NFX1: variants seen among roughly 807,000 people sequenced by gnomAD.
The protein encoded by NFX1 is transcriptional repressor NF-X1.
Under a neutral mutation model 137.2 loss-of-function variants are expected in NFX1, and 69 were observed. That is an observed-to-expected ratio of 0.50 (90% CI 0.41 to 0.61). The LOEUF (loss-of-function observed/expected upper bound fraction) is 0.61. NFX1 is among the 20% of genes least tolerant of loss of function. The probability of loss-of-function intolerance (pLI) is 0.00; values close to 1 mark genes in which losing one functional copy is unlikely to be tolerated. For synonymous variants in NFX1, 495 were observed against 474.1 expected, an observed-to-expected ratio of 1.04 and a Z score of -0.57; for missense variants, 1,167 against 1,391.0, an observed-to-expected ratio of 0.84 and a Z score of 2.56.
intron 10 of NFX1, 34 bp downstream of exon 10, chr9:33,328,712 C>G: frequency 6.6e-7 from 1 of 1,516,220 alleles, no homozygotes; most frequent in Non-Finnish European, 9.1e-7. Flanking sequence ...TTGTTGCCAT[C>G]AATGTTTTCT....
rs573581415 is a variant in NFX1 at position 33,346,004 on chromosome 9, A to G, written c.2345-1034A>G. 2.6e-5 allele frequency among the ~76,000 whole-genome samples: 4 copies of G among 152,362 alleles called. No homozygotes were observed. The East Asian group carries it at 7.7e-4, about 29-fold the overall frequency. On this transcript the variant is annotated intron_variant, in intron 14 of 23. Transcript: ENST00000379540. ...ATTTGATACCCACAGTTAGTCTGGC[A>G]GTATGATTCAGACTTAAAACTAGAA...
At chr9:33,317,222 C>T (rs1298862499) in intron 7 of NFX1, among the ~76,000 whole-genome samples, 1 of 149,730 alleles carries the variant, frequency 6.7e-6, no homozygotes, top group African/African-American at 2.5e-5. Flanking sequence ...AGTTTGAGAC[C>T]AGCTTGGGCA....
chr9:33,324,039 C>A (rs1822486348), intron 9 of NFX1, among the ~76,000 whole-genome samples: 1 of 152,054 alleles, frequency 6.6e-6, no homozygotes, highest in Admixed American at 6.6e-5. Context: ...CCCAGGAGTT[C>A]AAGACCAGCC....
At chr9:33,298,644 C>T (rs570462839) in intron 2 of NFX1, among the ~76,000 whole-genome samples, 4 of 152,244 alleles carry the variant, frequency 2.6e-5, no homozygotes, top group South Asian at 2.1e-4. Flanking sequence ...ATTAGCTGGA[C>T]GTGGTGGCAC....
At position 33,294,721 on chromosome 9, in the gene NFX1, G is replaced by A; in HGVS notation, c.327G>A (p.Leu109=). The A allele has an allele frequency of 6.2e-7, 1 of 1,614,116 alleles. No homozygotes were observed. The stretch of plus-strand genomic sequence containing the variant: ...TTCAGAATCAACCTTGGCAGAAATT[G>A]AGGAATGAGAAGCACCATATCAGAG... ...HGLQNQPWQK[L]RNEKHHIRVK... The change falls in exon 2 of 24, where the codon TTG becomes TTA. Residue 109 remains leucine, a synonymous_variant. Transcript: ENST00000379540.
In NFX1 at chr9:33,351,245, C is replaced by T. The variant is rs375688478; in HGVS notation, c.2425-315C>T. Among the ~76,000 whole-genome samples the T allele has an allele frequency of 1.4e-3, 220 of 152,124 alleles. 1 individual carries two copies. Among genetic ancestry groups the T allele is most frequent in the African/African-American group, 5.1e-3 (213 of 41,498 alleles). ...GGCCTAGGCGGGTGGATCGCTTCCA[C>T]TCAAGAGTTCGAGACCAGCCTGGGC... On this transcript the variant is annotated intron_variant, in intron 15 of 23. Transcript: ENST00000379540.
In NFX1 at chr9:33,306,352, C is replaced by T. The variant is rs115521821; in HGVS notation, c.1271-842C>T. On this transcript the variant is annotated intron_variant, in intron 4 of 23. Coordinates refer to ENST00000379540, the MANE Select transcript of NFX1 (RefSeq NM_002504.6). ...TGTGAACTTTGACTGTGGATAAAGCCAGTTTGAGGTGACTGTGAAACCCCA... is the reference window on the plus strand; with the variant it reads ...TGTGAACTTTGACTGTGGATAAAGCTAGTTTGAGGTGACTGTGAAACCCCA... Among the ~76,000 whole-genome samples, 1,330 of 152,238 alleles carry T rather than the reference C, an allele frequency of 8.7e-3. 18 individuals are homozygous for T. The highest frequency in any genetic ancestry group is 0.031 in the African/African-American group (1,287 of 41,538).
intron 9 of NFX1, among the ~76,000 whole-genome samples, chr9:33,324,156 A>C (rs1003502178): frequency 9.9e-5 from 15 of 152,168 alleles, no homozygotes; most frequent in Non-Finnish European, 1.5e-5. Context: ...AGGCAGGCAG[A>C]TCACTTGGGA....
intron 5 of NFX1, among the ~76,000 whole-genome samples, chr9:33,310,404 T>G (rs1490272926): frequency 6.6e-6 from 1 of 152,228 alleles, no homozygotes; most frequent in African/African-American, 2.4e-5. Flanking sequence ...GTGTCTGCTT[T>G]GAAGAGGGCA....
chr9:33,369,769 A>C, intron 23 of NFX1, 137 bp from the exon 24 acceptor site: 1 of 726,702 alleles, frequency 1.4e-6, no homozygotes, highest in African/African-American at 1.8e-5. Context: ...AGAAGGAAAA[A>C]AAGTAAGACT....
chr9:33,322,455 A>G (rs1822422209), intron 9 of NFX1, among the ~76,000 whole-genome samples: 1 of 152,198 alleles, frequency 6.6e-6, no homozygotes, highest in Non-Finnish European at 1.5e-5. Context: ...TGGGAAGGCC[A>G]CATTGTCAAC....
intron 19 of NFX1, among the ~76,000 whole-genome samples, chr9:33,363,512 G>A (rs1176688361): frequency 1.3e-5 from 2 of 151,796 alleles, no homozygotes; most frequent in Admixed American, 6.6e-5. Flanking sequence ...TCGAACTCCT[G>A]GCCTCAAGTG....
At chr9:33,337,751 CAAAACAA>C (rs1823060155) in intron 11 of NFX1, among the ~76,000 whole-genome samples, 3 of 81,782 alleles carry the variant, frequency 3.7e-5, no homozygotes, top group Non-Finnish European at 9.9e-5. Context: ...CAAAACAAAA[CAAAACAA>C]AAACTGATGG....
intron 9 of NFX1, among the ~76,000 whole-genome samples, chr9:33,325,049 T>A (rs1822529640): frequency 6.6e-6 from 1 of 151,936 alleles, no homozygotes; most frequent in African/African-American, 2.4e-5. Flanking sequence ...GTACATGTAA[T>A]TGGAATATGA....
At chr9:33,353,139 A>G (rs1823698611) in intron 17 of NFX1, among the ~76,000 whole-genome samples, 1 of 152,236 alleles carries the variant, frequency 6.6e-6, no homozygotes, top group Admixed American at 6.5e-5. Context: ...TTTAGTGTGT[A>G]AAATAACTTT....
chr9:33,300,371 C>T (rs566235673), intron 2 of NFX1, among the ~76,000 whole-genome samples: 1 of 151,992 alleles, frequency 6.6e-6, no homozygotes, highest in Admixed American at 6.6e-5. Flanking sequence ...CCTGTTACAG[C>T]CTTTTTGAGA....
chr9:33,363,901 T>C (rs1381787476), intron 19 of NFX1, 109 bp from the exon 20 acceptor site: 2 of 593,930 alleles, frequency 3.4e-6, no homozygotes, highest in Non-Finnish European at 5.6e-6. Flanking sequence ...TTTACCAAAA[T>C]AGAGATAAAT....
At chr9:33,369,342 C>T (rs773941577) in intron 23 of NFX1, among the ~76,000 whole-genome samples, 6 of 152,138 alleles carry the variant, frequency 3.9e-5, no homozygotes, top group Non-Finnish European at 8.8e-5. Flanking sequence ...AGATTACAGG[C>T]GTGAGCCACC....
At chr9:33,335,232 T>C (rs10813969) in intron 11 of NFX1, among the ~76,000 whole-genome samples, 84,103 of 140,034 alleles carry the variant, frequency 0.6, 27,560 homozygotes, top group Non-Finnish European at 0.73. Context: ...TTTTTCTTTT[T>C]TTTTTTTTTT....
Sources: allele counts gnomAD v4.1 joint callset (sites outside exome capture counted in the v4.1 genomes callset), GRCh38; gene constraint gnomAD v4.1.1; transcripts MANE v1.5; gene names NCBI Gene and HGNC (gene_info 2026-07-23, HGNC 2026-07-21).